The following CTNNA3 variants were observed in gnomAD, a reference collection of about 807,000 sequenced individuals.
CTNNA3 encodes catenin alpha-3.
In CTNNA3, 76 loss-of-function variants were observed where a neutral mutation model predicts 95.7. The ratio of observed to expected loss-of-function variants is 0.79; its 90% CI spans 0.66 to 0.96. The LOEUF (loss-of-function observed/expected upper bound fraction) is 0.96. Among genes scored for constraint, CTNNA3 ranks in the 40% least tolerant of loss-of-function variants. The probability of loss-of-function intolerance (pLI) is 0.00; values close to 1 mark genes in which losing one functional copy is unlikely to be tolerated. For missense variants in CTNNA3, 1,191 were observed against 1,089.8 expected (o/e 1.09, Z -1.31); for synonymous variants, 431 against 374.4 (o/e 1.15, Z -1.74).
At chr10:67,648,543 T>TC (rs1185454885) in intron 1 of CTNNA3, among the ~76,000 whole-genome samples, 1 of 152,192 alleles carries the variant, frequency 6.6e-6, no homozygotes. Flanking sequence ...CTTAACTCTA[T>TC]CACAAGCCAC....
chr10:67,294,821 A>G (rs1027266331), intron 5 of CTNNA3, among the ~76,000 whole-genome samples: 1 of 152,244 alleles, frequency 6.6e-6, no homozygotes, highest in South Asian at 2.1e-4. Flanking sequence ...AGATGAGGTC[A>G]TCTGCCTAGA....
intron 13 of CTNNA3, among the ~76,000 whole-genome samples, chr10:66,163,381 C>A (rs1272039526): frequency 6.6e-6 from 1 of 152,124 alleles, no homozygotes; most frequent in East Asian, 1.9e-4. Flanking sequence ...CTCCCAGGGC[C>A]TTTCTGCTGC....
chr10:66,587,947 G>C (rs76211590), intron 10 of CTNNA3, among the ~76,000 whole-genome samples: 7,385 of 152,212 alleles, frequency 0.049, 600 homozygotes, highest in East Asian at 0.26. Flanking sequence ...GGCCAACAGG[G>C]TTTATCCTCA....
At chr10:67,265,648 A>C (rs1247962448) in intron 5 of CTNNA3, among the ~76,000 whole-genome samples, 1 of 152,142 alleles carries the variant, frequency 6.6e-6, no homozygotes, top group Non-Finnish European at 1.5e-5. Context: ...CCATGGGATA[A>C]ATTTAACTGG....
At chr10:66,751,567 C>T (rs1415838659) in intron 9 of CTNNA3, among the ~76,000 whole-genome samples, 1 of 152,152 alleles carries the variant, frequency 6.6e-6, no homozygotes, top group East Asian at 1.9e-4. Flanking sequence ...TAGACATTGT[C>T]TTCATCTTCC....
chr10:66,525,743 T>C (rs1398151952), intron 10 of CTNNA3, among the ~76,000 whole-genome samples: 5 of 152,152 alleles, frequency 3.3e-5, no homozygotes, highest in African/African-American at 1.2e-4. Context: ...TGTGCAACTA[T>C]CCATCTCCAG....
At chr10:66,182,405 G>A (rs1284117579) in intron 13 of CTNNA3, among the ~76,000 whole-genome samples, 3 of 151,868 alleles carry the variant, frequency 2.0e-5, no homozygotes, top group South Asian at 2.1e-4. Context: ...ACAGGCGCCC[G>A]CCACCACGCC....
chr10:67,705,120 A>C (rs778663609), intron 1 of CTNNA3, among the ~76,000 whole-genome samples: 5,213 of 152,140 alleles, frequency 0.034, 126 homozygotes, highest in Non-Finnish European at 0.051. Flanking sequence ...TTAAAAAGTC[A>C]GGAAACAACA....
rs148942939 is a variant in CTNNA3, at chr10:67,593,124, C to T, written c.292+13733G>A. Among the ~76,000 whole-genome samples the T allele has an allele frequency of 1.2e-3, 190 of 152,256 alleles. 1 individual carries two copies. The Middle Eastern group carries it at 0.027, about 22-fold the overall frequency. On this transcript the variant is annotated intron_variant, in intron 3 of 17. Transcript: ENST00000433211. Reference sequence around the variant, plus strand: ...TCAGGATAATGGCCTCCAGTTGCATCCATGTTGCTGCAAAGGACATGACTT... The same window carrying T: ...TCAGGATAATGGCCTCCAGTTGCATTCATGTTGCTGCAAAGGACATGACTT...
intron 11 of CTNNA3, among the ~76,000 whole-genome samples, chr10:66,499,377 G>A (rs1194408604): frequency 6.6e-6 from 1 of 152,064 alleles, no homozygotes; most frequent in Non-Finnish European, 1.5e-5. Context: ...AGGCTTAACA[G>A]TCAGGTAAAT....
In CTNNA3 at chr10:66,155,579, ATG is replaced by A. The variant is rs1204670095; in HGVS notation, c.1885-52332_1885-52331del. On this transcript the variant is annotated intron_variant, in intron 13 of 17. Coordinates refer to ENST00000433211, the MANE Select transcript of CTNNA3 (RefSeq NM_013266.4). ...CCTGATCTACAGCAACAACAATAAT[ATG>A]AAGCTTTGGTGCTGTGGGGAGCGGA... Among the ~76,000 whole-genome samples, 9 of 152,014 alleles carry A rather than the reference ATG, an allele frequency of 5.9e-5. No homozygotes were observed. In the East Asian group the frequency reaches 1.7e-3, roughly 29 times the overall value.
intron 7 of CTNNA3, among the ~76,000 whole-genome samples, chr10:67,007,897 A>AT (rs1852099713): frequency 1.3e-5 from 2 of 152,120 alleles, no homozygotes; most frequent in Non-Finnish European, 2.9e-5. Context: ...ACAGAGGAAG[A>AT]AAGGCCAACA....
chr10:65,950,105 A>G (rs577352613), intron 17 of CTNNA3, among the ~76,000 whole-genome samples: 4 of 152,194 alleles, frequency 2.6e-5, no homozygotes, highest in Non-Finnish European at 5.9e-5. Flanking sequence ...AATAACATTC[A>G]GACATTAGTA....
chr10:66,406,110 T>A (rs2093054943), intron 11 of CTNNA3, among the ~76,000 whole-genome samples: 1 of 152,278 alleles, frequency 6.6e-6, no homozygotes, highest in South Asian at 2.1e-4. Context: ...TGGCAGTTAA[T>A]GACAATGAAA....
chr10:67,451,282 T>C (rs1846972308), intron 5 of CTNNA3, among the ~76,000 whole-genome samples: 1 of 152,060 alleles, frequency 6.6e-6, no homozygotes, highest in East Asian at 1.9e-4. Flanking sequence ...GTTTTCTTTA[T>C]AAATTACGCA....
intron 11 of CTNNA3, among the ~76,000 whole-genome samples, chr10:66,379,758 C>G (rs2132490447): frequency 6.6e-6 from 1 of 152,198 alleles, no homozygotes; most frequent in African/African-American, 2.4e-5. Context: ...ATACATAAGT[C>G]TTTTAAAAGA....
intron 13 of CTNNA3, among the ~76,000 whole-genome samples, chr10:66,167,932 CA>C (rs2085219878): frequency 6.6e-6 from 1 of 152,164 alleles, no homozygotes; most frequent in Non-Finnish European, 1.5e-5. Flanking sequence ...ATCGGCTAAG[CA>C]CAGCCCATGG....
intron 7 of CTNNA3, among the ~76,000 whole-genome samples, chr10:66,787,821 T>C (rs959526607): frequency 6.6e-6 from 1 of 152,240 alleles, no homozygotes; most frequent in Non-Finnish European, 1.5e-5. Context: ...GAGTGATTCT[T>C]CTACAATCAA....
At chr10:67,182,976 A>C (rs1234678771) in intron 6 of CTNNA3, among the ~76,000 whole-genome samples, 1 of 152,222 alleles carries the variant, frequency 6.6e-6, no homozygotes, top group Non-Finnish European at 1.5e-5. Flanking sequence ...ATGCAAATCA[A>C]AACCACAATG....
Sources: allele counts gnomAD v4.1 joint callset (sites outside exome capture counted in the v4.1 genomes callset), GRCh38; gene constraint gnomAD v4.1.1; transcripts MANE v1.5; gene names NCBI Gene and HGNC (gene_info 2026-07-23, HGNC 2026-07-21).